EPM2A: variants seen among roughly 807,000 people sequenced by gnomAD.
EPM2A encodes EPM2A glucan phosphatase, laforin.
A neutral mutation model predicts 26.5 loss-of-function variants in EPM2A; 21 were observed. The ratio of observed to expected loss-of-function variants is 0.79; its 90% CI spans 0.56 to 1.14. The LOEUF (loss-of-function observed/expected upper bound fraction) is 1.14, where lower values mean the gene tolerates loss of function less well. Ranked by LOEUF, EPM2A falls within the 50% of genes most tolerant of loss-of-function variation. EPM2A has a pLI of 0.00. For synonymous variants in EPM2A, 217 were observed against 177.6 expected, an observed-to-expected ratio of 1.22 and a Z score of -1.76; for missense variants, 458 against 440.8, an observed-to-expected ratio of 1.04 and a Z score of -0.35.
chr6:145,420,855 AAG>A (rs34604534), intron 4 of EPM2A, among the ~76,000 whole-genome samples: 23 of 150,406 alleles, frequency 1.5e-4, no homozygotes, highest in Admixed American at 4.6e-4. Context: ...GAGAGATAGA[AAG>A]AGAGAGAGAG....
intron 4 of EPM2A, among the ~76,000 whole-genome samples, chr6:145,467,945 AATAGTTTTT>A (rs1562346917): frequency 3.3e-5 from 5 of 151,940 alleles, no homozygotes; most frequent in Non-Finnish European, 7.4e-5. Context: ...CCTTAGTTTT[AATAGTTTTT>A]TTCAGTTTAT....
chr6:145,638,669 C>A (rs1776867706), intron 2 of EPM2A: 1 of 152,124 alleles, frequency 6.6e-6, no homozygotes, highest in African/African-American at 2.4e-5. Context: ...AAAACAAACA[C>A]TATATTGAAA....
At chr6:145,576,236 C>T (rs1203085101) in intron 2 of EPM2A, among the ~76,000 whole-genome samples, 4 of 152,160 alleles carry the variant, frequency 2.6e-5, no homozygotes, top group African/African-American at 9.7e-5. Flanking sequence ...AGAACCAATG[C>T]TACATGGGGA....
chr6:145,626,556 GAGAA>G lies in EPM2A; in HGVS notation c.*856_*859del. On this transcript the variant is annotated 3_prime_UTR_variant, in exon 4 of 4. Coordinates refer to ENST00000367519, the MANE Select transcript of EPM2A (RefSeq NM_005670.4). ...CCTGCAGGCATATTGACTATACCCT[GAGAA>G]AGACAAAACTAAATGCACTACATGA... 1 of 985,844 alleles carries G rather than the reference GAGAA, an allele frequency of 1.0e-6. No homozygotes were observed. Among genetic ancestry groups the G allele is most frequent in the Non-Finnish European group, 1.2e-6 (1 of 829,962 alleles). 61.1% of individuals were successfully genotyped at this position (985,844 alleles called of 1,614,324 possible).
At position 145,731,895 on chromosome 6, in the gene EPM2A, A is replaced by G. The variant is rs576767412; in HGVS notation, c.301+3303T>C. Reference sequence around the variant, plus strand: ...TGCTAACAGGAATGGGCTTAGTTTCACATTAGAATTATCAGCCACAGCTGA... The same window carrying G: ...TGCTAACAGGAATGGGCTTAGTTTCGCATTAGAATTATCAGCCACAGCTGA... On this transcript the variant is annotated intron_variant, in intron 1 of 3. Coordinates refer to ENST00000367519, the MANE Select transcript of EPM2A (RefSeq NM_005670.4). Among the ~76,000 whole-genome samples the G allele has an allele frequency of 6.6e-5, 10 of 152,324 alleles. No homozygotes were observed. The East Asian group carries it at 1.5e-3, about 23-fold the overall frequency.
intron 4 of EPM2A, among the ~76,000 whole-genome samples, chr6:145,477,223 G>T (rs1779554106): frequency 6.6e-6 from 1 of 151,784 alleles, no homozygotes; most frequent in African/African-American, 2.4e-5. Flanking sequence ...TACCAAGATT[G>T]AACCCAGAAG....
chr6:145,496,728 A>ATGTTTTTTTTTTTTTT (rs779194973), downstream of EPM2A, among the ~76,000 whole-genome samples: 2,067 of 106,678 alleles, frequency 0.019, 457 homozygotes, highest in Non-Finnish European at 0.025. Flanking sequence ...AGTTCCTGCA[A>ATGTTTTTTTTTTTTTT]TTTTTTTTTT....
chr6:145,470,532 T>G (rs1779460257), intron 4 of EPM2A, among the ~76,000 whole-genome samples: 1 of 152,160 alleles, frequency 6.6e-6, no homozygotes, highest in African/African-American at 2.4e-5. Context: ...ATTTTTATAT[T>G]TGCCATTTTA....
chr6:145,627,261 G>A lies in EPM2A; in HGVS notation c.*155C>T, dbSNP rs1053774857. 1.0e-5 allele frequency: 16 copies of A among 1,541,318 alleles called. No individual in the cohort carries two copies. Among genetic ancestry groups the A allele is most frequent in the Middle Eastern group, 2.3e-4 (1 of 4,396 alleles). On this transcript the variant is annotated 3_prime_UTR_variant, in exon 4 of 4. Coordinates refer to ENST00000367519, the MANE Select transcript of EPM2A (RefSeq NM_005670.4). Reference sequence around the variant, plus strand: ...TTCAAAAATACAGCCCCAAAACAAAGCATAATCGAAAGTCATCCCAGGTGA... The same window carrying A: ...TTCAAAAATACAGCCCCAAAACAAAACATAATCGAAAGTCATCCCAGGTGA...
At chr6:145,429,664 C>T (rs1778897596) in intron 4 of EPM2A, among the ~76,000 whole-genome samples, 1 of 152,012 alleles carries the variant, frequency 6.6e-6, no homozygotes, top group African/African-American at 2.4e-5. Flanking sequence ...TAAAATGTAA[C>T]AAGAAATACA....
intron 4 of EPM2A, among the ~76,000 whole-genome samples, chr6:145,388,581 G>T (rs540039403): frequency 1.3e-5 from 2 of 152,170 alleles, no homozygotes; most frequent in African/African-American, 4.8e-5. Flanking sequence ...TTGTTACACA[G>T]GTATACATGT....
At chr6:145,588,881 G>C (rs1376825123) in intron 2 of EPM2A, among the ~76,000 whole-genome samples, 8 of 152,168 alleles carry the variant, frequency 5.3e-5, no homozygotes, top group Admixed American at 5.2e-4. Flanking sequence ...TTGAGCAGGG[G>C]AACTTTACTA....
chr6:145,591,051 A>G (rs1781267638), intron 2 of EPM2A, among the ~76,000 whole-genome samples: 1 of 152,184 alleles, frequency 6.6e-6, no homozygotes, highest in Non-Finnish European at 1.5e-5. Context: ...AAAAGATCAA[A>G]AAGAAATGCT....
chr6:145,538,430 T>C (rs1780463955), intron 2 of EPM2A, among the ~76,000 whole-genome samples: 1 of 152,232 alleles, frequency 6.6e-6, no homozygotes. Context: ...AGGCAGCTCT[T>C]CATCAAGAGC....
intron 2 of EPM2A, among the ~76,000 whole-genome samples, chr6:145,531,384 G>A (rs1393554376): frequency 6.6e-6 from 1 of 152,018 alleles, no homozygotes; most frequent in Admixed American, 6.6e-5. Context: ...ACAGAAAGGG[G>A]GATTATGGGT....
intron 2 of EPM2A, among the ~76,000 whole-genome samples, chr6:145,570,217 C>A (rs1371490471): frequency 2.6e-5 from 4 of 152,152 alleles, no homozygotes; most frequent in Non-Finnish European, 2.9e-5. Context: ...TTGTACCCTT[C>A]AATCCAATCA....
At chr6:145,533,933 T>C (rs1367887088) in intron 2 of EPM2A, among the ~76,000 whole-genome samples, 3 of 152,156 alleles carry the variant, frequency 2.0e-5, no homozygotes. Context: ...CTCTAGCAAC[T>C]AGATCACAGT....
chr6:145,506,842 C>A (rs139731446), intron 2 of EPM2A, among the ~76,000 whole-genome samples: 4 of 152,130 alleles, frequency 2.6e-5, no homozygotes, highest in Non-Finnish European at 5.9e-5. Context: ...TTCAGACTGG[C>A]CCACTCTTCA....
At chr6:145,585,056 T>C (rs1027774097) in intron 2 of EPM2A, among the ~76,000 whole-genome samples, 1 of 152,230 alleles carries the variant, frequency 6.6e-6, no homozygotes, top group African/African-American at 2.4e-5. Flanking sequence ...CTTAATTATA[T>C]AGCTGATGAT....
Sources: allele counts gnomAD v4.1 joint callset (sites outside exome capture counted in the v4.1 genomes callset), GRCh38; gene constraint gnomAD v4.1.1; transcripts MANE v1.5; gene names NCBI Gene and HGNC (gene_info 2026-07-23, HGNC 2026-07-21).